Variants in UTRN observed in about 807,000 individuals in gnomAD.
UTRN encodes utrophin, also known as dystrophin-related protein 1.
Under a neutral mutation model 463.9 loss-of-function variants are expected in UTRN, and 283 were observed. The ratio of observed to expected loss-of-function variants is 0.61; its 90% CI spans 0.55 to 0.67. UTRN has a LOEUF of 0.67. UTRN is among the 30% of genes least tolerant of loss of function. UTRN has a pLI of 0.00. For synonymous variants in UTRN, 1,442 were observed against 1,431.5 expected, an observed-to-expected ratio of 1.01 and a Z score of -0.17; for missense variants, 3,922 against 4,084.3, an observed-to-expected ratio of 0.96 and a Z score of 1.08.
chr6:144,683,343 C>T (rs1055709461), intron 52 of UTRN, among the ~76,000 whole-genome samples: 6 of 152,130 alleles, frequency 3.9e-5, no homozygotes, highest in South Asian at 2.1e-4. Context: ...AGATCAGATT[C>T]GTCACTCTAC....
At chr6:144,404,152 C>G (rs1783173637) in intron 3 of UTRN, among the ~76,000 whole-genome samples, 1 of 152,126 alleles carries the variant, frequency 6.6e-6, no homozygotes, top group Non-Finnish European at 1.5e-5. Context: ...TTTGATTTCA[C>G]TGCTTTTTGG....
chr6:144,564,256 T>G (rs1375833711), intron 50 of UTRN, among the ~76,000 whole-genome samples: 2 of 152,158 alleles, frequency 1.3e-5, no homozygotes, highest in African/African-American at 2.4e-5. Context: ...AGAGAGGGAC[T>G]TAACTGAGGC....
chr6:144,453,724 G>A, intron 18 of UTRN, 58 bp from the exon 19 acceptor site: 3 of 1,467,496 alleles, frequency 2.0e-6, no homozygotes, highest in Non-Finnish European at 1.9e-6. Context: ...ATTTAAAACA[G>A]CAACATTATA....
At position 144,403,117 on chromosome 6, in the gene UTRN, C is replaced by A; in HGVS notation, c.80-6C>A. Reference sequence around the variant, plus strand: ...TTTTCCTTCTCTTTCTTTTTCCATTCCACAGATGAACACAATGACGTACAG... The same window carrying A: ...TTTTCCTTCTCTTTCTTTTTCCATTACACAGATGAACACAATGACGTACAG... On this transcript the variant is annotated splice_region_variant and splice_polypyrimidine_tract_variant and intron_variant, in intron 2 of 74. Transcript: ENST00000367545. 6.2e-7 allele frequency: 1 copy of A among 1,612,616 alleles called. No homozygotes were observed. Among genetic ancestry groups the A allele is most frequent in the Non-Finnish European group, 8.5e-7 (1 of 1,179,156 alleles).
chr6:144,726,394 C>A (rs1421279080), intron 53 of UTRN, among the ~76,000 whole-genome samples: 1 of 152,116 alleles, frequency 6.6e-6, no homozygotes, highest in Non-Finnish European at 1.5e-5. Context: ...GCTGGGAGTA[C>A]CTTTCCCTCT....
chr6:144,323,510 T>A (rs1400853958), intron 2 of UTRN, among the ~76,000 whole-genome samples: 1 of 152,210 alleles, frequency 6.6e-6, no homozygotes, highest in Non-Finnish European at 1.5e-5. Context: ...TACATCAGAA[T>A]CCATGAAGCA....
At chr6:144,580,188 C>A (rs1466947639) in intron 51 of UTRN, among the ~76,000 whole-genome samples, 1 of 151,706 alleles carries the variant, frequency 6.6e-6, no homozygotes, top group African/African-American at 2.4e-5. Flanking sequence ...CATGGCAAAT[C>A]ATAACAGAAA....
At chr6:144,605,672 G>C (rs1804764310) in intron 51 of UTRN, among the ~76,000 whole-genome samples, 1 of 135,812 alleles carries the variant, frequency 7.4e-6, no homozygotes, top group South Asian at 2.5e-4. Context: ...TTCAGTGTGG[G>C]TGCCATTTTT....
chr6:144,435,802 T>C (rs754169954), intron 9 of UTRN, 133 bp from the exon 10 acceptor site: 8 of 891,268 alleles, frequency 9.0e-6, no homozygotes, highest in Non-Finnish European at 1.4e-5. Flanking sequence ...GCAGTGCCCA[T>C]TTGGCTCCTG....
chr6:144,725,378 A>G (rs1475989858), intron 53 of UTRN, among the ~76,000 whole-genome samples: 1 of 152,238 alleles, frequency 6.6e-6, no homozygotes, highest in Admixed American at 6.5e-5. Flanking sequence ...CAGCGTGAGA[A>G]TGGACTAATA....
chr6:144,513,874 A>G (rs774764357), intron 35 of UTRN, 35 bp from the exon 36 acceptor site: 4 of 1,599,480 alleles, frequency 2.5e-6, no homozygotes, highest in African/African-American at 1.4e-5. Flanking sequence ...AATATTTCAT[A>G]TGGTTATGTA....
chr6:144,535,253 A>T (rs1797423897), intron 43 of UTRN, among the ~76,000 whole-genome samples: 1 of 151,994 alleles, frequency 6.6e-6, no homozygotes, highest in South Asian at 2.1e-4. Context: ...GCTAATTTTC[A>T]TATTTTTAGT....
intron 65 of UTRN, among the ~76,000 whole-genome samples, chr6:144,804,250 A>T (rs1041060250): frequency 1.3e-5 from 2 of 152,216 alleles, no homozygotes; most frequent in African/African-American, 4.8e-5. Context: ...TGCCCTGTGT[A>T]TGGAGAGGAA....
At chr6:144,586,507 CT>C (rs1269550991) in intron 51 of UTRN, among the ~76,000 whole-genome samples, 1 of 151,912 alleles carries the variant, frequency 6.6e-6, no homozygotes, top group Non-Finnish European at 1.5e-5. Context: ...AATAATTTTT[CT>C]TTTAGTAGAG....
chr6:144,553,873 G>A (rs961504842), intron 48 of UTRN, among the ~76,000 whole-genome samples: 12 of 147,708 alleles, frequency 8.1e-5, no homozygotes, highest in Admixed American at 6.9e-4. Context: ...CCAGGATCGT[G>A]CCACTGCACT....
intron 58 of UTRN, among the ~76,000 whole-genome samples, chr6:144,762,774 T>C (rs922907248): frequency 1.3e-5 from 2 of 152,206 alleles, no homozygotes; most frequent in Non-Finnish European, 2.9e-5. Context: ...GCGAGTAAGA[T>C]GGCCAACAAA....
chr6:144,375,613 A>G (rs1780383330), intron 2 of UTRN, among the ~76,000 whole-genome samples: 2 of 152,134 alleles, frequency 1.3e-5, no homozygotes, highest in Non-Finnish European at 2.9e-5. Flanking sequence ...TGATTGCTAT[A>G]TATCTGTACC....
chr6:144,394,783 AT>A (rs1201502488), intron 2 of UTRN, among the ~76,000 whole-genome samples: 4 of 152,138 alleles, frequency 2.6e-5, no homozygotes, highest in Non-Finnish European at 4.4e-5. Flanking sequence ...TATTCTGTGA[AT>A]TTATGAGGAA....
chr6:144,835,704 AT>A, intron 69 of UTRN, 75 bp from the exon 70 acceptor site: 1 of 1,578,936 alleles, frequency 6.3e-7, no homozygotes. Flanking sequence ...GTCCATCATT[AT>A]TTCTACTTCC....
Sources: allele counts gnomAD v4.1 joint callset (sites outside exome capture counted in the v4.1 genomes callset), GRCh38; gene constraint gnomAD v4.1.1; transcripts MANE v1.5; gene names NCBI Gene and HGNC (gene_info 2026-07-23, HGNC 2026-07-21).